Variants in MYT1L observed in about 807,000 individuals in gnomAD.
The protein encoded by MYT1L is myelin transcription factor 1-like protein.
MYT1L carries 12 observed loss-of-function variants against 126.7 expected under a neutral mutation model. The observed-to-expected ratio is 0.09, with a 90% CI of 0.06 to 0.15. The LOEUF is 0.15. Among genes scored for constraint, MYT1L ranks in the 10% least tolerant of loss-of-function variants. The pLI, the probability that MYT1L is intolerant of heterozygous loss-of-function variation, is 1.00. For missense variants in MYT1L, 979 were observed against 1,585.2 expected (o/e 0.62, Z 6.49); for synonymous variants, 541 against 604.2 (o/e 0.90, Z 1.53).
intron 8 of MYT1L, among the ~76,000 whole-genome samples, chr2:1,958,273 C>A (rs1221896253): frequency 6.6e-6 from 1 of 152,018 alleles, no homozygotes; most frequent in Non-Finnish European, 1.5e-5. Flanking sequence ...GCAGATGGAA[C>A]CCAGAGAGCC....
chr2:2,245,439 A>G (rs1474751261), intron 2 of MYT1L, among the ~76,000 whole-genome samples: 2 of 152,044 alleles, frequency 1.3e-5, no homozygotes. Context: ...TAAGTTAATC[A>G]AGCTTTGAGG....
chr2:2,226,944 C>A (rs975600477), intron 2 of MYT1L, among the ~76,000 whole-genome samples: 2 of 152,128 alleles, frequency 1.3e-5, no homozygotes, highest in Non-Finnish European at 2.9e-5. Flanking sequence ...CCAGCAATAC[C>A]CTTATTCTCT....
At chr2:1,813,076 T>C (rs1317417620) in intron 21 of MYT1L, among the ~76,000 whole-genome samples, 1 of 152,074 alleles carries the variant, frequency 6.6e-6, no homozygotes, top group South Asian at 2.1e-4. Flanking sequence ...GCTCCCATCT[T>C]TCCCCCGCTG....
intron 2 of MYT1L, among the ~76,000 whole-genome samples, chr2:2,189,768 ATTCTCAGGACCGCACGGGGAGAAGCTCG>A (rs2092456087): frequency 2.7e-5 from 4 of 150,730 alleles, no homozygotes; most frequent in East Asian, 2.0e-4. Flanking sequence ...TGAGAAGCGC[ATTCTCAGGACCGCACGGGGAGAAGCTCG>A]TTCTCAGGAC....
chr2:2,051,812 T>C lies in MYT1L; in HGVS notation c.-158+2166A>G, dbSNP rs1006562134. ...AATAAGGTCATGGTACACGCTTAAA[T>C]TGCATATAGAAATTCATTACCAGAA... is the stretch of plus-strand genomic sequence containing the variant. On this transcript the variant is annotated intron_variant, in intron 4 of 24. Coordinates refer to ENST00000647738, the MANE Select transcript of MYT1L (RefSeq NM_001303052.2). 3.9e-5 allele frequency among the ~76,000 whole-genome samples: 6 copies of C among 152,168 alleles called. 1 individual carries two copies. Among genetic ancestry groups the C allele is most frequent in the African/African-American group, 4.8e-5 (2 of 41,454 alleles).
intron 2 of MYT1L, among the ~76,000 whole-genome samples, chr2:2,234,677 C>A (rs188907298): frequency 6.6e-6 from 1 of 152,244 alleles, no homozygotes; most frequent in Admixed American, 6.5e-5. Flanking sequence ...AGAGGCAGTG[C>A]ATTAAAAGGG....
chr2:1,985,363 G>T (rs2060931937), intron 5 of MYT1L, among the ~76,000 whole-genome samples: 1 of 152,214 alleles, frequency 6.6e-6, no homozygotes, highest in African/African-American at 2.4e-5. Flanking sequence ...AGGCAGTGCA[G>T]GTGTGCATGT....
chr2:1,823,808 G>A (rs2038919445), intron 21 of MYT1L, among the ~76,000 whole-genome samples: 1 of 152,260 alleles, frequency 6.6e-6, no homozygotes, highest in Non-Finnish European at 1.5e-5. Context: ...TGCCAGTGGT[G>A]GCGGCCCTCG....
rs142202856 is a variant in MYT1L, at chr2:1,864,454, C to G, written c.2712-12751G>C. 6.2e-4 allele frequency among the ~76,000 whole-genome samples: 94 copies of G among 152,308 alleles called. 1 individual carries two copies. Among genetic ancestry groups the G allele is most frequent in the Middle Eastern group, 6.8e-3 (2 of 294 alleles). Reference sequence around the variant, plus strand: ...GCTTCAGCTAGGCATGTGCCGACTTCGTGTCTGCAGCCCTGTCTGTCCTAT... The same window carrying G: ...GCTTCAGCTAGGCATGTGCCGACTTGGTGTCTGCAGCCCTGTCTGTCCTAT... On this transcript the variant is annotated intron_variant, in intron 18 of 24. Transcript: ENST00000647738.
At chr2:2,241,540 T>C (rs1399627865) in intron 2 of MYT1L, among the ~76,000 whole-genome samples, 1 of 152,190 alleles carries the variant, frequency 6.6e-6, no homozygotes, top group African/African-American at 2.4e-5. Flanking sequence ...TCCAGCCACG[T>C]TGCTTTTATT....
At chr2:2,237,656 C>T (rs1330966255) in intron 2 of MYT1L, among the ~76,000 whole-genome samples, 2 of 152,198 alleles carry the variant, frequency 1.3e-5, no homozygotes, top group Non-Finnish European at 2.9e-5. Context: ...TCGCCTGGAG[C>T]ACTCAGTGGG....
At chr2:2,219,456 C>T (rs117711981) in intron 2 of MYT1L, among the ~76,000 whole-genome samples, 35 of 152,272 alleles carry the variant, frequency 2.3e-4, no homozygotes, top group East Asian at 7.7e-4. Flanking sequence ...TATTCAAAGA[C>T]GTGTACTAAC....
rs965676384 is a variant in MYT1L at position 2,179,054 on chromosome 2, C to A, written c.-420-6066G>T. Among the ~76,000 whole-genome samples the A allele has an allele frequency of 3.3e-5, 5 of 152,284 alleles. No individual in the cohort carries two copies. The East Asian group carries it at 9.7e-4, about 29-fold the overall frequency. On this transcript the variant is annotated intron_variant, in intron 2 of 24. Transcript: ENST00000647738. The stretch of plus-strand genomic sequence containing the variant: ...GGTTCTGCCATTCACATCTTACAGG[C>A]AATACCTGCTCTGGGAGCCCTTGAG...
chr2:1,872,343 TAAAG>T lies in MYT1L; in HGVS notation c.2711+14192_2711+14195del, dbSNP rs535686953. Among the ~76,000 whole-genome samples the T allele has an allele frequency of 3.3e-5, 5 of 152,076 alleles. No homozygotes were observed. In the South Asian group the frequency reaches 1.0e-3, roughly 32 times the overall value. Reference sequence around the variant, plus strand: ...GCCAGAATTAAGGCAGTTTGAAAAATAAAGAAATGACAGAGAATAAGACGACCAA... The same window carrying T: ...GCCAGAATTAAGGCAGTTTGAAAAATAAATGACAGAGAATAAGACGACCAA... On this transcript the variant is annotated intron_variant, in intron 18 of 24. Transcript: ENST00000647738.
intron 19 of MYT1L, among the ~76,000 whole-genome samples, 178 bp downstream of exon 19, chr2:1,851,463 T>G (rs2043253502): frequency 6.6e-6 from 1 of 152,198 alleles, no homozygotes; most frequent in African/African-American, 2.4e-5. Context: ...AAGGAAGGTT[T>G]GCTTTCTAAG....
At chr2:2,299,973 G>A (rs2095758527) in intron 1 of MYT1L, among the ~76,000 whole-genome samples, 2 of 152,148 alleles carry the variant, frequency 1.3e-5, no homozygotes, top group Non-Finnish European at 2.9e-5. Context: ...GTATATCAAT[G>A]GCTTAGAAGT....
intron 3 of MYT1L, among the ~76,000 whole-genome samples, chr2:2,129,659 C>T (rs2082118273): frequency 6.6e-6 from 1 of 152,172 alleles, no homozygotes; most frequent in Non-Finnish European, 1.5e-5. Context: ...GTAATCCCAG[C>T]ACTTTGGGAG....
At chr2:2,096,746 T>G (rs1018043484) in intron 3 of MYT1L, among the ~76,000 whole-genome samples, 1 of 152,148 alleles carries the variant, frequency 6.6e-6, no homozygotes. Flanking sequence ...TTCCTGAGGA[T>G]GGACTGTGTG....
chr2:2,166,309 C>G lies in MYT1L; in HGVS notation c.-304+6563G>C, dbSNP rs560833596. ...CTCTTCAAACACTCTCCTATGGCCT[C>G]CCTCCCAGCCTCCACCACCATCACT... is the stretch of plus-strand genomic sequence containing the variant. On this transcript the variant is annotated intron_variant, in intron 3 of 24. Transcript: ENST00000647738. Among the ~76,000 whole-genome samples the G allele has an allele frequency of 8.5e-5, 13 of 152,304 alleles. No homozygotes were observed. In the East Asian group the frequency reaches 2.5e-3, roughly 29 times the overall value.
Sources: allele counts gnomAD v4.1 joint callset (sites outside exome capture counted in the v4.1 genomes callset), GRCh38; gene constraint gnomAD v4.1.1; transcripts MANE v1.5; gene names NCBI Gene and HGNC (gene_info 2026-07-23, HGNC 2026-07-21).